GRID1: variants seen among roughly 807,000 people sequenced by gnomAD.
The protein encoded by GRID1 is glutamate receptor ionotropic, delta-1.
A neutral mutation model predicts 98.0 loss-of-function variants in GRID1; 28 were observed. The observed-to-expected ratio is 0.29, with a 90% confidence interval of 0.21 to 0.39. The LOEUF (loss-of-function observed/expected upper bound fraction) is 0.39, where lower values mean the gene tolerates loss of function less well. Among genes scored for constraint, GRID1 ranks in the 10% least tolerant of loss-of-function variants. The pLI is 1.00. For synonymous variants in GRID1, 553 were observed against 538.5 expected, an observed-to-expected ratio of 1.03 and a Z score of -0.37; for missense variants, 1,111 against 1,340.5, an observed-to-expected ratio of 0.83 and a Z score of 2.67.
At chr10:85,954,330 C>A (rs1477756405) in intron 4 of GRID1, among the ~76,000 whole-genome samples, 5 of 152,292 alleles carry the variant, frequency 3.3e-5, no homozygotes, top group Admixed American at 6.5e-5. Context: ...ATTATTGTAT[C>A]CAGCAAGCAT....
At chr10:85,895,016 A>AATATATATATAT (rs67350023) in intron 5 of GRID1, among the ~76,000 whole-genome samples, 120 of 97,076 alleles carry the variant, frequency 1.2e-3, no homozygotes, top group Middle Eastern at 5.3e-3. Context: ...AAAAAAAAAA[A>AATATATATATAT]ATATATATAT....
intron 8 of GRID1, among the ~76,000 whole-genome samples, chr10:85,832,932 A>G (rs1842881193): frequency 6.6e-6 from 1 of 151,782 alleles, no homozygotes; most frequent in Non-Finnish European, 1.5e-5. Context: ...CCAACCTGGG[A>G]CTCCCCTGAA....
intron 4 of GRID1, among the ~76,000 whole-genome samples, chr10:86,069,221 C>A (rs1843762676): frequency 6.6e-6 from 1 of 152,080 alleles, no homozygotes; most frequent in African/African-American, 2.4e-5. Context: ...CCACTGCAGA[C>A]ACGATGATGT....
At position 85,829,654 on chromosome 10, in the gene GRID1, C is replaced by A. The variant is rs547264731; in HGVS notation, c.1233+24842G>T. Among the ~76,000 whole-genome samples the A allele has an allele frequency of 3.3e-5, 5 of 152,224 alleles. No homozygotes were observed. The East Asian group carries it at 9.6e-4, about 29-fold the overall frequency. On this transcript the variant is annotated intron_variant, in intron 8 of 15. Coordinates refer to ENST00000327946, the MANE Select transcript of GRID1 (RefSeq NM_017551.3). ...AATCCGTAGCATTTCTATACAACAA[C>A]AATGTCCAAGTGGAGAGCCAAATTA...
chr10:85,806,654 GA>G (rs1842625585), intron 8 of GRID1, among the ~76,000 whole-genome samples: 1 of 152,050 alleles, frequency 6.6e-6, no homozygotes, highest in South Asian at 2.1e-4. Context: ...AAACAACGTG[GA>G]AAACTCAAAA....
At chr10:86,320,566 G>C (rs569515999) in intron 2 of GRID1, among the ~76,000 whole-genome samples, 2 of 152,210 alleles carry the variant, frequency 1.3e-5, no homozygotes, top group African/African-American at 4.8e-5. Context: ...AAGGGCTATA[G>C]TATTTCTGTT....
chr10:85,787,940 G>C (rs935210340), intron 8 of GRID1, among the ~76,000 whole-genome samples: 3 of 151,886 alleles, frequency 2.0e-5, no homozygotes, highest in African/African-American at 7.3e-5. Context: ...CCCTCCCCAG[G>C]GTCTGGCCCT....
intron 3 of GRID1, among the ~76,000 whole-genome samples, chr10:86,182,864 G>A (rs913750049): frequency 6.6e-6 from 1 of 152,158 alleles, no homozygotes; most frequent in African/African-American, 2.4e-5. Flanking sequence ...AGGGATATGC[G>A]ATTATTTGAA....
rs569127733 is a variant in GRID1 at position 85,669,365 on chromosome 10, C to T, written c.1998-21968G>A. Among the ~76,000 whole-genome samples, 15 of 152,322 alleles carry T rather than the reference C, an allele frequency of 9.8e-5. No homozygotes were observed. In the South Asian group the frequency reaches 3.1e-3, roughly 32 times the overall value. ...CTATGGGGAAGTCAATATTATATCACAGAGGAGTGAACTGGGAATCTGAGA... is the reference window on the plus strand; with the variant it reads ...CTATGGGGAAGTCAATATTATATCATAGAGGAGTGAACTGGGAATCTGAGA... On this transcript the variant is annotated intron_variant, in intron 12 of 15. Transcript: ENST00000327946.
chr10:85,657,703 G>A (rs1055399560), intron 12 of GRID1, among the ~76,000 whole-genome samples: 11 of 152,122 alleles, frequency 7.2e-5, no homozygotes, highest in Admixed American at 2.6e-4. Context: ...AGCTACGTGG[G>A]TCCAGGCTGC....
At chr10:86,009,728 A>G (rs979490941) in intron 4 of GRID1, among the ~76,000 whole-genome samples, 1 of 152,234 alleles carries the variant, frequency 6.6e-6, no homozygotes, top group African/African-American at 2.4e-5. Context: ...ACTTTGGAGA[A>G]TCAGGGACAT....
chr10:86,216,688 G>A (rs529551598), intron 2 of GRID1, among the ~76,000 whole-genome samples: 20 of 152,324 alleles, frequency 1.3e-4, no homozygotes, highest in Non-Finnish European at 2.8e-4. Context: ...GGCAAAGGAA[G>A]GGAGAGACAA....
At chr10:86,134,040 C>T (rs1253794181) in intron 4 of GRID1, among the ~76,000 whole-genome samples, 1 of 152,226 alleles carries the variant, frequency 6.6e-6, no homozygotes, top group Non-Finnish European at 1.5e-5. Flanking sequence ...ACGGTAGAGA[C>T]AGTGGCATAG....
intron 12 of GRID1, among the ~76,000 whole-genome samples, chr10:85,722,363 A>C (rs1841713780): frequency 6.6e-6 from 1 of 152,238 alleles, no homozygotes; most frequent in Admixed American, 6.5e-5. Flanking sequence ...CCACACATCC[A>C]ACCAAATTCA....
At chr10:86,292,436 G>A (rs1386831691) in intron 2 of GRID1, among the ~76,000 whole-genome samples, 5 of 152,204 alleles carry the variant, frequency 3.3e-5, no homozygotes, top group Non-Finnish European at 4.4e-5. Flanking sequence ...TCACCATGCC[G>A]GGAAGAAAGT....
At position 86,207,628 on chromosome 10, in the gene GRID1, CTT is replaced by C. The variant is rs71016123; in HGVS notation, c.236-982_236-981del. Among the ~76,000 whole-genome samples the C allele has an allele frequency of 1.0e-3, 108 of 106,222 alleles. 1 individual carries two copies. The highest frequency in any genetic ancestry group is 3.7e-3 in the African/African-American group (101 of 27,436). 69.7% of individuals were successfully genotyped at this position (106,222 alleles called of 152,430 possible). ...GGATGTGGAGAAGCAGATGCAGTTTCTTTTTTTTTTTTTTTTTTTTTGAGACG... is the reference window on the plus strand; with the variant it reads ...GGATGTGGAGAAGCAGATGCAGTTTCTTTTTTTTTTTTTTTTTTTGAGACG... On this transcript the variant is annotated intron_variant, in intron 2 of 15. Transcript: ENST00000327946.
At chr10:85,717,894 T>C (rs936568375) in intron 12 of GRID1, among the ~76,000 whole-genome samples, 6 of 149,408 alleles carry the variant, frequency 4.0e-5, no homozygotes, top group Non-Finnish European at 1.5e-5. Flanking sequence ...ACAGGGCCCA[T>C]GCAAGTCCGA....
At chr10:85,712,758 T>A (rs1357547263) in intron 12 of GRID1, among the ~76,000 whole-genome samples, 1 of 151,480 alleles carries the variant, frequency 6.6e-6, no homozygotes, top group Non-Finnish European at 1.5e-5. Context: ...TAGAAATCAA[T>A]AACCGGAGGA....
intron 3 of GRID1, among the ~76,000 whole-genome samples, chr10:86,160,275 A>C (rs1845302737): frequency 6.6e-6 from 1 of 152,138 alleles, no homozygotes. Context: ...CTCCTGCTGC[A>C]TGCACCTCAC....
Sources: allele counts gnomAD v4.1 joint callset (sites outside exome capture counted in the v4.1 genomes callset), GRCh38; gene constraint gnomAD v4.1.1; transcripts MANE v1.5; gene names NCBI Gene and HGNC (gene_info 2026-07-23, HGNC 2026-07-21).